The following DTNA variants were observed in gnomAD, a reference collection of about 807,000 sequenced individuals.
The protein encoded by DTNA is dystrophin-related protein 3.
In DTNA, 43 loss-of-function variants were observed where a neutral mutation model predicts 100.7. That is an observed-to-expected ratio of 0.43 (90% CI 0.33 to 0.55). The LOEUF (loss-of-function observed/expected upper bound fraction) is 0.55. DTNA is among the 20% of genes least tolerant of loss of function. The pLI is 0.04. For missense variants in DTNA, 798 were observed against 953.9 expected, an observed-to-expected ratio of 0.84 and a Z score of 2.15; for synonymous variants, 349 against 347.9, an observed-to-expected ratio of 1.00 and a Z score of -0.04.
rs1390006288 is a variant in DTNA, at chr18:34,526,655, G to A, written c.-2+33141G>A. On this transcript the variant is annotated intron_variant, in intron 1 of 19. Coordinates refer to the DTNA transcript ENST00000283365. ...GGAATATGTAAAATTATGATTTGGT[G>A]GACCTATACTTCATAGAGGGAGTCA... Among the ~76,000 whole-genome samples, 3 of 152,122 alleles carry A rather than the reference G, an allele frequency of 2.0e-5. No individual in the cohort carries two copies. The East Asian group carries it at 5.8e-4, about 29-fold the overall frequency.
chr18:34,700,206 T>C (rs2081176325), intron 1 of DTNA, among the ~76,000 whole-genome samples: 1 of 152,224 alleles, frequency 6.6e-6, no homozygotes, highest in Non-Finnish European at 1.5e-5. Context: ...ACCTATGATA[T>C]GGATGACCCA....
intron 1 of DTNA, among the ~76,000 whole-genome samples, chr18:34,563,210 G>C (rs915877218): frequency 6.6e-6 from 1 of 152,148 alleles, no homozygotes; most frequent in Non-Finnish European, 1.5e-5. Flanking sequence ...GTTCCCTACT[G>C]GGAAGGTCAT....
chr18:34,772,101 A>T (rs1027082579), intron 3 of DTNA, among the ~76,000 whole-genome samples: 1 of 152,208 alleles, frequency 6.6e-6, no homozygotes, highest in African/African-American at 2.4e-5. Flanking sequence ...GCAAGGGAAT[A>T]TTCTATCCTA....
chr18:34,650,961 A>C (rs889018632), intron 1 of DTNA, among the ~76,000 whole-genome samples: 6 of 152,140 alleles, frequency 3.9e-5, no homozygotes, highest in African/African-American at 1.4e-4. Context: ...TTAGTAGTAC[A>C]CCCTTTTATT....
chr18:34,755,936 G>T, intron 1 of DTNA, 40 bp from the exon 2 acceptor site: 1 of 1,567,328 alleles, frequency 6.4e-7, no homozygotes, highest in South Asian at 1.1e-5. Flanking sequence ...TGCCTCAATA[G>T]CGTGAGGATA....
At chr18:34,511,919 G>T (rs533865572) in intron 1 of DTNA, among the ~76,000 whole-genome samples, 1 of 152,048 alleles carries the variant, frequency 6.6e-6, no homozygotes, top group South Asian at 2.1e-4. Flanking sequence ...AGTGAAATTG[G>T]CTTGAGCTTC....
intron 1 of DTNA, among the ~76,000 whole-genome samples, chr18:34,502,122 G>C (rs1460215275): frequency 6.6e-6 from 1 of 152,074 alleles, no homozygotes; most frequent in East Asian, 1.9e-4. Context: ...TTCAGGAATT[G>C]TTCCATTTCA....
chr18:34,654,580 C>G (rs1022021493), intron 1 of DTNA, among the ~76,000 whole-genome samples: 5 of 152,122 alleles, frequency 3.3e-5, no homozygotes, highest in South Asian at 2.1e-4. Context: ...AAGTTAATCT[C>G]TTGGGAACAT....
At chr18:34,863,795 A>G (rs983476918) in intron 16 of DTNA, among the ~76,000 whole-genome samples, 171 bp from the exon 17 acceptor site, 5 of 152,234 alleles carry the variant, frequency 3.3e-5, no homozygotes, top group South Asian at 2.1e-4. Flanking sequence ...AACAAAAGAA[A>G]CACTTCCAGC....
intron 1 of DTNA, among the ~76,000 whole-genome samples, chr18:34,516,189 G>A (rs770313367): frequency 5.9e-5 from 9 of 152,072 alleles, no homozygotes; most frequent in Non-Finnish European, 1.3e-4. Context: ...TCCGGGGAAG[G>A]CATCACATAT....
At chr18:34,830,914 G>A (rs752086887) in intron 11 of DTNA, among the ~76,000 whole-genome samples, 45 of 152,080 alleles carry the variant, frequency 3.0e-4, no homozygotes, top group Non-Finnish European at 5.9e-4. Flanking sequence ...TATGTATGGT[G>A]AGCCAGCAAC....
intron 1 of DTNA, chr18:34,558,258 G>A (rs1246563964): frequency 2.0e-5 from 3 of 153,570 alleles, no homozygotes; most frequent in East Asian, 1.9e-4. Flanking sequence ...ACTGACTTGC[G>A]CCCACTGTCT....
At chr18:34,683,157 G>C (rs533678427) in intron 1 of DTNA, among the ~76,000 whole-genome samples, 2 of 152,210 alleles carry the variant, frequency 1.3e-5, no homozygotes, top group East Asian at 3.9e-4. Context: ...CTGCAGTTGA[G>C]AGATCTGACC....
At chr18:34,837,788 T>C (rs1334058441) in intron 11 of DTNA, among the ~76,000 whole-genome samples, 2 of 152,204 alleles carry the variant, frequency 1.3e-5, no homozygotes, top group African/African-American at 2.4e-5. Context: ...TTACATGATA[T>C]GCCATGATAA....
chr18:34,881,024 G>T (rs562966929), intron 20 of DTNA, among the ~76,000 whole-genome samples: 1 of 152,254 alleles, frequency 6.6e-6, no homozygotes, highest in South Asian at 2.1e-4. Context: ...GCTAGCCCTG[G>T]TATGCTGAGT....
intron 1 of DTNA, among the ~76,000 whole-genome samples, chr18:34,667,698 T>G (rs1475392506): frequency 2.0e-5 from 3 of 152,214 alleles, no homozygotes; most frequent in Non-Finnish European, 4.4e-5. Flanking sequence ...GTTTTTGTCT[T>G]TGGTTCTGTT....
intron 3 of DTNA, among the ~76,000 whole-genome samples, chr18:34,777,941 A>G (rs565088668): frequency 6.6e-6 from 1 of 152,318 alleles, no homozygotes; most frequent in South Asian, 2.1e-4. Flanking sequence ...TTTTCTTGCC[A>G]TAAGGCTTCT....
intron 1 of DTNA, among the ~76,000 whole-genome samples, chr18:34,629,376 G>C (rs2057769506): frequency 1.3e-5 from 2 of 152,206 alleles, no homozygotes. Flanking sequence ...GCCAGTAAGT[G>C]TGGTTGAGAC....
At chr18:34,586,098 T>G (rs975648032) in intron 1 of DTNA, among the ~76,000 whole-genome samples, 1 of 152,244 alleles carries the variant, frequency 6.6e-6, no homozygotes, top group South Asian at 2.1e-4. Flanking sequence ...GTCATTGTTA[T>G]GTTTCAGTGA....
Sources: allele counts gnomAD v4.1 joint callset (sites outside exome capture counted in the v4.1 genomes callset), GRCh38; gene constraint gnomAD v4.1.1; transcripts MANE v1.5; gene names NCBI Gene and HGNC (gene_info 2026-07-23, HGNC 2026-07-21).